CARD14: variants seen among roughly 807,000 people sequenced by gnomAD.
The protein encoded by CARD14 is caspase recruitment domain family member 14.
In CARD14, 107 loss-of-function variants were observed where a neutral mutation model predicts 111.5. The observed-to-expected ratio is 0.96, with a 90% CI of 0.82 to 1.13. The LOEUF (loss-of-function observed/expected upper bound fraction) is 1.13, where lower values mean the gene tolerates loss of function less well. CARD14 is among the 50% of genes most tolerant of loss of function. CARD14 has a pLI of 0.00. For missense variants in CARD14, 1,322 were observed against 1,362.3 expected (o/e 0.97, Z 0.47); for synonymous variants, 617 against 579.6 (o/e 1.06, Z -0.93).
At chr17:80,185,507 C>T (rs752537842) in intron 7 of CARD14, among the ~76,000 whole-genome samples, 3 of 152,320 alleles carry the variant, frequency 2.0e-5, no homozygotes, top group East Asian at 1.9e-4. Flanking sequence ...TTTACTCTCT[C>T]GTGGCCCTTT....
chr17:80,175,892 C>T (rs1395863523), intron 2 of CARD14, among the ~76,000 whole-genome samples: 2 of 148,750 alleles, frequency 1.3e-5, no homozygotes, highest in Non-Finnish European at 3.0e-5. Flanking sequence ...CTCCTGCTTC[C>T]TGGCAGGGAT....
intron 23 of CARD14, 33 bp downstream of exon 23, chr17:80,207,118 C>T (rs757227259): frequency 7.9e-6 from 12 of 1,520,508 alleles, no homozygotes; most frequent in Middle Eastern, 1.7e-4. Flanking sequence ...GCAGGGGCTT[C>T]GAAGCGGCTC....
At position 80,181,637 on chromosome 17, in the gene CARD14, G is replaced by C. The variant is rs770888241; in HGVS notation, c.199G>C (p.Ala67Pro). 3 of 1,548,040 alleles carry C rather than the reference G, an allele frequency of 1.9e-6. No individual in the cohort carries two copies. Among genetic ancestry groups the C allele is most frequent in the Non-Finnish European group, 2.6e-6 (3 of 1,146,822 alleles). Residue 67 changes from alanine (A) to proline (P), a missense_variant, in exon 5 of 24, where the codon GCC becomes CCC. Coordinates refer to ENST00000648509, the MANE Select transcript of CARD14 (RefSeq NM_001366385.1). ...VLHSPRLTNS[A>P]MRAGHLLDLL... is the part of the protein sequence containing the mutation. ...GCACAGCCCCCGGCTCACCAACAGC[G>C]CCATGCGGGCCGGTGAGCGCAGCTC... is the stretch of plus-strand genomic sequence containing the variant.
In CARD14 at chr17:80,184,228, TGCA is replaced by T; in HGVS notation, c.667_669del (p.Gln223del). On this transcript the variant is annotated inframe_deletion, in exon 7 of 24. Transcript: ENST00000648509. ...CTGGCCGCCTCACGCTGCCGCAGCC[TGCA>T]GGAGGAGGTAGGGGGACACCCTGCA... 6.5e-7 allele frequency: 1 copy of T among 1,530,472 alleles called. No homozygotes were observed. The highest frequency in any genetic ancestry group is 8.8e-7 in the Non-Finnish European group (1 of 1,134,606). The allele number at this position is 1,530,472 out of a possible 1,614,324, so 94.8% of individuals were successfully genotyped here.
At position 80,208,159 on chromosome 17, in the gene CARD14, C is replaced by T. The variant is rs200640336; in HGVS notation, c.2829C>T (p.Gly943=). Residue 943 remains glycine (G), a synonymous_variant, in exon 24 of 24, where the codon GGC becomes GGT. Transcript: ENST00000648509. ...GCAGGAAGGGCCTACAGCGGTTGGG[C>T]ACCTCAGAGGAGCAGCTCCTGGAGG... ...KKLKKGLQRL[G]TSEEQLLEAA... is the part of the protein sequence containing the mutation. 9.1e-4 allele frequency: 1,411 copies of T among 1,544,862 alleles called. 11 individuals are homozygous for T. The African/African-American group carries it at 0.016, about 18-fold the overall frequency.
chr17:80,172,375 G>A (rs2039921093), intron 1 of CARD14, among the ~76,000 whole-genome samples: 1 of 152,226 alleles, frequency 6.6e-6, no homozygotes, highest in Non-Finnish European at 1.5e-5. Flanking sequence ...TAAGTAGAAA[G>A]CTGAGAAATC....
intron 20 of CARD14, chr17:80,204,705 G>A (rs2041184357): frequency 5.0e-6 from 2 of 396,504 alleles, no homozygotes; most frequent in Admixed American, 8.1e-5. Context: ...TGGCTGAGGA[G>A]AAGGGTGCCA....
At position 80,186,574 on chromosome 17, in the gene CARD14, G is replaced by A. The variant is rs188327844; in HGVS notation, c.676-1803G>A. ...TTTTTTGGTTTGTTTTTTTGAGACA[G>A]AGTCTCACTCGCTTCCCAAGCTGGA... On this transcript the variant is annotated intron_variant, in intron 7 of 23. Coordinates refer to ENST00000648509, the MANE Select transcript of CARD14 (RefSeq NM_001366385.1). 7.2e-4 allele frequency among the ~76,000 whole-genome samples: 109 copies of A among 152,148 alleles called. 1 individual carries two copies. Among genetic ancestry groups the A allele is most frequent in the Admixed American group, 5.8e-3 (88 of 15,266 alleles).
intron 6 of CARD14, among the ~76,000 whole-genome samples, chr17:80,183,260 G>T (rs2040230726): frequency 6.6e-6 from 1 of 152,206 alleles, no homozygotes; most frequent in African/African-American, 2.4e-5. Context: ...CCTTCAGGGA[G>T]TAATTCTAGG....
intron 16 of CARD14, among the ~76,000 whole-genome samples, chr17:80,199,502 C>T (rs2040854252): frequency 7.5e-6 from 1 of 133,256 alleles, no homozygotes; most frequent in Non-Finnish European, 1.5e-5. Flanking sequence ...ATTGAGGCTG[C>T]AATGAGCTAA....
In CARD14 at chr17:80,205,564, G is replaced by A. The variant is rs1471135247; in HGVS notation, c.2603G>A (p.Ser868Asn). The change falls in exon 22 of 24, where the codon AGC becomes AAC. Residue 868 changes from serine to asparagine, a missense_variant. Physicochemically the swap from Ser to Asn is conservative, Grantham distance 46. Transcript: ENST00000648509. ...YLSQEEYEAWSQRGDIIQEGE... is the reference protein window; with the variant it reads ...YLSQEEYEAWNQRGDIIQEGE... Reference sequence around the variant, plus strand: ...AGCCAGGAGGAGTATGAGGCCTGGAGCCAGAGAGGGGACATCATCCAGGAG... The same window carrying A: ...AGCCAGGAGGAGTATGAGGCCTGGAACCAGAGAGGGGACATCATCCAGGAG... The A allele has an allele frequency of 6.3e-6, 10 of 1,582,592 alleles. 1 individual carries two copies. In the South Asian group the frequency reaches 1.0e-4, roughly 16 times the overall value.
rs759628956 is a variant in CARD14 at position 80,207,097 on chromosome 17, C to T, written c.2807+12C>T. 6.3e-7 allele frequency: 1 copy of T among 1,596,290 alleles called. No homozygotes were observed. The highest frequency in any genetic ancestry group is 8.6e-7 in the Non-Finnish European group (1 of 1,164,444). On this transcript the variant is annotated intron_variant, in intron 23 of 23. Transcript: ENST00000648509. ...GCAAAGAAGCTCAAGTAGGTGCACGCTGGGGGCTGGGCAGGGGCTTCGAAG... is the reference window on the plus strand; with the variant it reads ...GCAAAGAAGCTCAAGTAGGTGCACGTTGGGGGCTGGGCAGGGGCTTCGAAG...
rs2040821464 is a variant in CARD14, at chr17:80,198,790, AC to A, written c.1851+202del. 1 of 1,487,238 alleles carries A rather than the reference AC, an allele frequency of 6.7e-7. No homozygotes were observed. The highest frequency in any genetic ancestry group is 8.9e-7 in the Non-Finnish European group (1 of 1,124,046). 92.1% of individuals were successfully genotyped at this position (1,487,238 alleles called of 1,614,324 possible). On this transcript the variant is annotated intron_variant, in intron 16 of 23. Coordinates refer to ENST00000648509, the MANE Select transcript of CARD14 (RefSeq NM_001366385.1). The surrounding 1 kb of genome is among the most constrained non-coding windows in gnomAD (Gnocchi z 7.5). Reference sequence around the variant, plus strand: ...CGTGCCGTGCAGAACCCAGCATGTCACCCGTGGTGCTGCTGCCATGCGGCGC... The same window carrying A: ...CGTGCCGTGCAGAACCCAGCATGTCACCGTGGTGCTGCTGCCATGCGGCGC...
intron 16 of CARD14, among the ~76,000 whole-genome samples, chr17:80,199,559 C>G (rs1184192390): frequency 4.9e-5 from 2 of 41,206 alleles, no homozygotes; most frequent in African/African-American, 7.2e-5. Context: ...AAAGCCTTGT[C>G]TCAAAAAAAA....
Position 80,182,790 on chromosome 17 carries a change from G to A in CARD14, c.349G>A (p.Gly117Ser), listed in dbSNP as rs281875215. ...TGATGTTGACTTCAGTAACTTTAGC[G>A]GTGAGAGCTCCGACTTTGACGGTTT... ...QPDVDFSNFS[G>S]LMETSKLTEC... The change falls in exon 6 of 24, where the codon GGT (glycine) becomes AGT (serine). Residue 117 changes from glycine (G) to serine (S), a missense_variant and splice_region_variant. Transcript: ENST00000648509. The surrounding 1 kb of genome is among the most constrained non-coding windows in gnomAD (Gnocchi z 4.7). 6.2e-6 allele frequency: 10 copies of A among 1,614,130 alleles called. No individual in the cohort carries two copies. Among genetic ancestry groups the A allele is most frequent in the Admixed American group, 1.7e-5 (1 of 60,016 alleles).
In CARD14 at chr17:80,205,630, C is replaced by T. The variant is rs748879904; in HGVS notation, c.2669C>T (p.Ala890Val). The change falls in exon 22 of 24, where the codon GCT (alanine) becomes GTT (valine). Residue 890 changes from alanine (A) to valine (V), a missense_variant. By Grantham distance (64) the Ala-to-Val change is moderately conservative. Coordinates refer to ENST00000648509, the MANE Select transcript of CARD14 (RefSeq NM_001366385.1). ...GGCCGCTGCTGGGTGACCCGCCATG[C>T]TGTGGAGTCCCTCATGGAAAAGGTG... ...SGGRCWVTRH[A>V]VESLMEKNTH... The T allele has an allele frequency of 1.4e-6, 2 of 1,467,072 alleles. No individual in the cohort carries two copies. Among genetic ancestry groups the T allele is most frequent in the South Asian group, 1.2e-5 (1 of 83,700 alleles). The allele number at this position is 1,467,072 out of a possible 1,614,324, so 90.9% of individuals were successfully genotyped here.
rs781554657 is a variant in CARD14, at chr17:80,205,036, C to CTCCA, written c.2401_2404dup (p.Ser802IlefsTer52). 8 of 1,590,172 alleles carry CTCCA rather than the reference C, an allele frequency of 5.0e-6. No homozygotes were observed. Among genetic ancestry groups the CTCCA allele is most frequent in the Non-Finnish European group, 6.0e-6 (7 of 1,167,546 alleles). ...CCCTCAGGATCCTCTCCTCCACAGG[C>CTCCA]TCCAGCACGTGCTTCTGGGCCGAGA... On this transcript the variant is annotated frameshift_variant and splice_region_variant, in exon 21 of 24. Transcript: ENST00000648509. LOFTEE classifies it high-confidence loss of function.
At chr17:80,186,556 G>A (rs1598644955) in intron 7 of CARD14, among the ~76,000 whole-genome samples, 1 of 151,900 alleles carries the variant, frequency 6.6e-6, no homozygotes, top group East Asian at 1.9e-4. Flanking sequence ...TTATTTTTTG[G>A]TTTGTTTTTT....
At chr17:80,187,903 G>T (rs1447416117) in intron 7 of CARD14, 1 of 985,778 alleles carries the variant, frequency 1.0e-6, no homozygotes, top group South Asian at 4.7e-5. Flanking sequence ...TGTCTGAACA[G>T]CCCCGGTCCC....
Sources: gnomAD v4.1 joint callset for allele counts (sites outside exome capture counted in the v4.1 genomes callset) on GRCh38, gnomAD v4.1.1 for gene constraint, Gnocchi (gnomAD v3.1) non-coding constraint, MANE v1.5 for transcripts, NCBI Gene and HGNC (gene_info 2026-07-23, HGNC 2026-07-21) for gene names.